Variants in SGCD observed in about 807,000 individuals in gnomAD.
SGCD encodes the protein sarcoglycan delta, also known as delta-sarcoglycan.
A neutral mutation model predicts 36.6 loss-of-function variants in SGCD; 18 were observed. That is an observed-to-expected ratio of 0.49 (90% confidence interval 0.34 to 0.73). The LOEUF (loss-of-function observed/expected upper bound fraction) is 0.73. SGCD is among the 30% of genes least tolerant of loss of function. The pLI, the probability that SGCD is intolerant of heterozygous loss-of-function variation, is 0.01. For synonymous variants in SGCD, 133 were observed against 130.6 expected, an observed-to-expected ratio of 1.02 and a Z score of -0.12; for missense variants, 387 against 346.7, an observed-to-expected ratio of 1.12 and a Z score of -0.92.
rs556125849 is a variant in SGCD at position 155,908,341 on chromosome 5, A to G, written c.-282+37917A>G. On this transcript the variant is annotated intron_variant, in intron 1 of 9. Coordinates refer to the SGCD transcript ENST00000517913. ...CTCCAAAAGCCCATGCAGACATTTG[A>G]TTGACTCACTTTTATGTTTCCAGTT... Among the ~76,000 whole-genome samples, 4 of 152,220 alleles carry G rather than the reference A, an allele frequency of 2.6e-5. No homozygotes were observed. In the South Asian group the frequency reaches 8.3e-4, roughly 32 times the overall value.
rs1554107842 is a variant in SGCD at position 156,487,813 on chromosome 5, A to AAAAAAAGAAAAAG, written c.193-20785_193-20784insAAAGAAAAAGAAA. 1.8e-4 allele frequency among the ~76,000 whole-genome samples: 14 copies of AAAAAAAGAAAAAG among 77,796 alleles called. 2 individuals carry two copies. Among genetic ancestry groups the AAAAAAAGAAAAAG allele is most frequent in the South Asian group, 5.4e-4 (1 of 1,854 alleles). The allele number at this position is 77,796 out of a possible 152,430, so 51.0% of individuals were successfully genotyped here. On this transcript the variant is annotated intron_variant, in intron 3 of 8. Transcript: ENST00000337851. ...CAAAAAAAAAAAAAAAAAAAAAAAA[A>AAAAAAAGAAAAAG]AAAGAAAGAAAGAAAAAGCTTAACA...
At chr5:156,088,654 T>C (rs928828173) in intron 1 of SGCD, among the ~76,000 whole-genome samples, 1 of 152,088 alleles carries the variant, frequency 6.6e-6, no homozygotes, top group African/African-American at 2.4e-5. Flanking sequence ...TGTGCACTGC[T>C]ATACTCGGCT....
intron 3 of SGCD, among the ~76,000 whole-genome samples, chr5:156,186,317 G>A (rs1036288026): frequency 6.6e-6 from 1 of 152,112 alleles, no homozygotes; most frequent in Admixed American, 6.6e-5. Flanking sequence ...AAGATGGACT[G>A]GTTGTAATCT....
At chr5:156,433,810 C>T (rs540589087) in intron 3 of SGCD, among the ~76,000 whole-genome samples, 7 of 152,204 alleles carry the variant, frequency 4.6e-5, no homozygotes, top group Admixed American at 1.3e-4. Flanking sequence ...TGTTTCAGGC[C>T]CCATTTTTCT....
the SGCD span, among the ~76,000 whole-genome samples, chr5:155,732,340 A>G: frequency 2.0e-5 from 3 of 152,226 alleles, no homozygotes; most frequent in Non-Finnish European, 2.9e-5. Context: ...TACAGTGCTA[A>G]AATTTGAGTC....
At chr5:155,870,792 A>G (rs1398270368) in intron 1 of SGCD, among the ~76,000 whole-genome samples, 1 of 152,080 alleles carries the variant, frequency 6.6e-6, no homozygotes. Context: ...TCCTACTGAA[A>G]TGCTCTCAGG....
the SGCD span, among the ~76,000 whole-genome samples, chr5:155,742,646 C>T: frequency 6.6e-6 from 1 of 152,264 alleles, no homozygotes; most frequent in South Asian, 2.1e-4. Flanking sequence ...TTGTGGTTCC[C>T]CCCACCCACC....
chr5:155,938,876 T>G (rs1757268191), intron 1 of SGCD, among the ~76,000 whole-genome samples: 1 of 152,226 alleles, frequency 6.6e-6, no homozygotes, highest in Non-Finnish European at 1.5e-5. Context: ...TGAAACCAAC[T>G]AATTAATAGG....
chr5:155,987,409 C>T (rs1758352606), intron 1 of SGCD, among the ~76,000 whole-genome samples: 1 of 152,288 alleles, frequency 6.6e-6, no homozygotes, highest in East Asian at 1.9e-4. Flanking sequence ...TTTGGTTTCT[C>T]ATTATCCTCT....
intron 3 of SGCD, among the ~76,000 whole-genome samples, chr5:156,153,476 T>C (rs535879624): frequency 6.6e-6 from 1 of 151,688 alleles, no homozygotes; most frequent in Non-Finnish European, 1.5e-5. Flanking sequence ...CAATGTGAAC[T>C]CTCCTGAAAT....
the SGCD span, among the ~76,000 whole-genome samples, chr5:155,758,262 G>A: frequency 6.6e-6 from 1 of 152,144 alleles, no homozygotes; most frequent in African/African-American, 2.4e-5. Flanking sequence ...TTTAGTCTGA[G>A]TTATGAGCAG....
intron 1 of SGCD, among the ~76,000 whole-genome samples, chr5:156,040,705 C>T (rs1759613390): frequency 6.6e-6 from 1 of 152,312 alleles, no homozygotes; most frequent in Middle Eastern, 3.4e-3. Flanking sequence ...TGGTGACCCT[C>T]CCATGAGTGT....
the SGCD span, among the ~76,000 whole-genome samples, chr5:155,825,447 A>G: frequency 6.6e-6 from 1 of 152,144 alleles, no homozygotes; most frequent in Non-Finnish European, 1.5e-5. Flanking sequence ...AATTATTCAG[A>G]ATTATCATTT....
intron 3 of SGCD, among the ~76,000 whole-genome samples, chr5:156,381,229 G>T (rs1477389773): frequency 2.6e-5 from 4 of 152,178 alleles, no homozygotes; most frequent in Non-Finnish European, 4.4e-5. Context: ...AGAAAATGGG[G>T]CTGCTGCAAA....
intron 3 of SGCD, among the ~76,000 whole-genome samples, chr5:156,162,755 T>A (rs1184523708): frequency 6.6e-6 from 1 of 151,652 alleles, no homozygotes; most frequent in African/African-American, 2.4e-5. Context: ...AGAAAGCAAT[T>A]CACATGCACA....
chr5:155,870,159 C>T (rs1422924012), upstream of SGCD, among the ~76,000 whole-genome samples: 1 of 152,170 alleles, frequency 6.6e-6, no homozygotes, highest in Non-Finnish European at 1.5e-5. Context: ...GACTCTGGAG[C>T]CAGAGGGCCT....
chr5:156,750,420 T>C (rs1423165680), intron 7 of SGCD, among the ~76,000 whole-genome samples: 1 of 152,164 alleles, frequency 6.6e-6, no homozygotes, highest in African/African-American at 2.4e-5. Context: ...GCGCAGTGGC[T>C]CATGCCTCTA....
chr5:156,628,036 T>C (rs1762498241), intron 6 of SGCD, among the ~76,000 whole-genome samples: 1 of 152,108 alleles, frequency 6.6e-6, no homozygotes, highest in African/African-American at 2.4e-5. Context: ...TGGCATCTGC[T>C]CAGCTTTGGG....
At chr5:156,744,339 C>T (rs999982393) in intron 7 of SGCD, among the ~76,000 whole-genome samples, 8 of 152,240 alleles carry the variant, frequency 5.3e-5, no homozygotes, top group African/African-American at 1.9e-4. Flanking sequence ...GCCACAGGCA[C>T]TGTTGGAGAT....
Sources: gnomAD v4.1 joint callset for allele counts (sites outside exome capture counted in the v4.1 genomes callset) on GRCh38, gnomAD v4.1.1 for gene constraint, MANE v1.5 for transcripts, NCBI Gene and HGNC (gene_info 2026-07-23, HGNC 2026-07-21) for gene names.